The following C10orf90 variants were observed in gnomAD, a reference collection of about 807,000 sequenced individuals.
The protein encoded by C10orf90 is chromosome 10 open reading frame 90.
C10orf90 carries 56 observed loss-of-function variants against 62.5 expected under a neutral mutation model. The ratio of observed to expected loss-of-function variants is 0.90; its 90% CI spans 0.72 to 1.12. The LOEUF (loss-of-function observed/expected upper bound fraction) is 1.12, where lower values mean the gene tolerates loss of function less well. Among genes scored for constraint, C10orf90 ranks in the 50% most tolerant of loss-of-function variants. C10orf90 has a pLI of 0.00. For missense variants in C10orf90, 970 were observed against 880.4 expected, an observed-to-expected ratio of 1.10 and a Z score of -1.29; for synonymous variants, 386 against 340.4, an observed-to-expected ratio of 1.13 and a Z score of -1.47.
chr10:126,610,416 A>T (rs1845407938), intron 2 of C10orf90, among the ~76,000 whole-genome samples: 1 of 152,188 alleles, frequency 6.6e-6, no homozygotes. Context: ...TTCCCTGCCC[A>T]CATCTCATAA....
intron 2 of C10orf90, among the ~76,000 whole-genome samples, chr10:126,577,514 A>G (rs530682911): frequency 6.6e-6 from 1 of 152,162 alleles, no homozygotes; most frequent in African/African-American, 2.4e-5. Flanking sequence ...AAAATTATTG[A>G]AGTAGACAAA....
At chr10:126,557,274 G>A (rs1320744009) in intron 2 of C10orf90, among the ~76,000 whole-genome samples, 1 of 152,146 alleles carries the variant, frequency 6.6e-6, no homozygotes, top group African/African-American at 2.4e-5. Context: ...GAGGTTGGGA[G>A]ATTGAGACCA....
intron 2 of C10orf90, among the ~76,000 whole-genome samples, chr10:126,518,664 G>T (rs1006434744): frequency 5.3e-5 from 8 of 152,120 alleles, no homozygotes; most frequent in Non-Finnish European, 1.0e-4. Flanking sequence ...TGTGTTTGCT[G>T]CCCAGCACGC....
chr10:126,658,247 ATC>A (rs1237037882), intron 1 of C10orf90, among the ~76,000 whole-genome samples: 5 of 152,212 alleles, frequency 3.3e-5, no homozygotes, highest in Non-Finnish European at 7.3e-5. Context: ...CCCTATCAAA[ATC>A]TCTCTTACTC....
intron 4 of C10orf90, among the ~76,000 whole-genome samples, chr10:126,478,007 A>C (rs1489946477): frequency 6.6e-6 from 1 of 152,174 alleles, no homozygotes; most frequent in Non-Finnish European, 1.5e-5. Context: ...AGCATGAATA[A>C]AATCTCTCAG....
intron 1 of C10orf90, among the ~76,000 whole-genome samples, chr10:126,655,188 C>T (rs1275911244): frequency 1.3e-5 from 2 of 151,960 alleles, no homozygotes; most frequent in African/African-American, 4.8e-5. Flanking sequence ...CATGGTGGCA[C>T]GTGCCTGTAG....
At chr10:126,650,886 C>T (rs12773348) in intron 1 of C10orf90, among the ~76,000 whole-genome samples, 26,443 of 152,076 alleles carry the variant, frequency 0.17, 2,440 homozygotes, top group Middle Eastern at 0.25. Context: ...CTTCCTTCCA[C>T]CCCCCAGCCA....
intron 2 of C10orf90, among the ~76,000 whole-genome samples, chr10:126,576,605 A>T (rs1280290040): frequency 6.6e-6 from 1 of 151,196 alleles, no homozygotes; most frequent in Non-Finnish European, 1.5e-5. Context: ...GTATATTGAA[A>T]AGACATCTGC....
intron 2 of C10orf90, among the ~76,000 whole-genome samples, chr10:126,574,082 A>T (rs1190741478): frequency 6.6e-6 from 1 of 152,232 alleles, no homozygotes; most frequent in Non-Finnish European, 1.5e-5. Context: ...TAGAAGTATA[A>T]AAAAGGGAAT....
chr10:126,543,939 T>C (rs1331935014), intron 2 of C10orf90, among the ~76,000 whole-genome samples: 1 of 152,096 alleles, frequency 6.6e-6, no homozygotes, highest in African/African-American at 2.4e-5. Context: ...CGCGGTGACA[T>C]GTCAGCAGAA....
intron 2 of C10orf90, among the ~76,000 whole-genome samples, chr10:126,564,129 G>A (rs1844245526): frequency 6.6e-6 from 1 of 152,084 alleles, no homozygotes; most frequent in African/African-American, 2.4e-5. Context: ...ACATGGACCA[G>A]GAACAGGGCT....
intron 2 of C10orf90, among the ~76,000 whole-genome samples, chr10:126,519,808 G>T (rs910834478): frequency 6.6e-6 from 1 of 152,000 alleles, no homozygotes; most frequent in Non-Finnish European, 1.5e-5. Context: ...TCTTTTGGGG[G>T]TTTCCTCCTT....
intron 7 of C10orf90, among the ~76,000 whole-genome samples, chr10:126,439,149 A>G (rs1312084525): frequency 4.6e-5 from 7 of 152,172 alleles, no homozygotes; most frequent in Admixed American, 4.6e-4. Flanking sequence ...AAAGACCCTA[A>G]GAACCCTTGC....
intron 2 of C10orf90, among the ~76,000 whole-genome samples, chr10:126,613,957 C>A (rs932591132): frequency 6.6e-6 from 1 of 152,178 alleles, no homozygotes; most frequent in Admixed American, 6.5e-5. Context: ...CCAAAGGAGT[C>A]CAGAAAACTG....
chr10:126,534,541 G>T (rs1039152367), intron 2 of C10orf90, among the ~76,000 whole-genome samples: 1 of 152,120 alleles, frequency 6.6e-6, no homozygotes, highest in Non-Finnish European at 1.5e-5. Flanking sequence ...TTTTATGGGA[G>T]TATCATTGTT....
chr10:126,489,301 G>A (rs1861595670), intron 4 of C10orf90, among the ~76,000 whole-genome samples: 1 of 151,998 alleles, frequency 6.6e-6, no homozygotes. Context: ...TGCATAAAAA[G>A]CACTTGTCAG....
intron 3 of C10orf90, among the ~76,000 whole-genome samples, chr10:126,509,453 A>G (rs758871454): frequency 5.3e-5 from 8 of 152,220 alleles, no homozygotes; most frequent in Non-Finnish European, 8.8e-5. Context: ...TTACAATGGA[A>G]TGCATTTGGG....
Position 126,451,254 on chromosome 10 carries a change from C to T in C10orf90, c.2188+7786G>A, listed in dbSNP as rs377392167. ...ACTGCTGTGGGGATGTAAATTAGTA[C>T]GGCCATTATGGAAAACAGTATGGAT... On this transcript the variant is annotated intron_variant, in intron 7 of 9. Transcript: ENST00000488181. 3.2e-4 allele frequency among the ~76,000 whole-genome samples: 49 copies of T among 152,134 alleles called. No individual in the cohort carries two copies. In the East Asian group the frequency reaches 3.7e-3, roughly 11 times the overall value.
At chr10:126,555,700 A>G (rs937466373) in intron 2 of C10orf90, among the ~76,000 whole-genome samples, 3 of 150,192 alleles carry the variant, frequency 2.0e-5, no homozygotes, top group African/African-American at 7.3e-5. Flanking sequence ...AAATAAATAA[A>G]TAAATAAATA....
Sources: allele counts gnomAD v4.1 joint callset (sites outside exome capture counted in the v4.1 genomes callset), GRCh38; gene constraint gnomAD v4.1.1; transcripts MANE v1.5; gene names NCBI Gene and HGNC (gene_info 2026-07-23, HGNC 2026-07-21).